PTPRN: variants seen among roughly 807,000 people sequenced by gnomAD.
PTPRN encodes the protein receptor-type tyrosine-protein phosphatase-like N.
PTPRN carries 70 observed loss-of-function variants against 108.5 expected under a neutral mutation model. The ratio of observed to expected loss-of-function variants is 0.65; its 90% CI spans 0.53 to 0.79. The LOEUF is 0.79. PTPRN is among the 30% of genes least tolerant of loss of function. PTPRN has a pLI of 0.00. For synonymous variants in PTPRN, 496 were observed against 524.6 expected (o/e 0.95, Z 0.75); for missense variants, 1,136 against 1,295.5 (o/e 0.88, Z 1.89).
In PTPRN at chr2:219,299,124, C is replaced by A. The variant is rs1305653577; in HGVS notation, c.1604-13G>T. 5 of 1,614,248 alleles carry A rather than the reference C, an allele frequency of 3.1e-6. No individual in the cohort carries two copies. The Admixed American group carries it at 5.0e-5, about 16-fold the overall frequency. The stretch of plus-strand genomic sequence containing the variant: ...GACTTCACCAGCCCTGCAGGGAGGA[C>A]AAAGGTCAGGCTTGCTCCAGCCCCA... On this transcript the variant is annotated splice_polypyrimidine_tract_variant and intron_variant, in intron 11 of 22. Coordinates refer to ENST00000295718, the MANE Select transcript of PTPRN (RefSeq NM_002846.4).
chr2:219,297,377 T>G lies in PTPRN; in HGVS notation c.1944A>C (p.Pro648=). 6.2e-7 allele frequency: 1 copy of G among 1,614,126 alleles called. No individual in the cohort carries two copies. The highest frequency in any genetic ancestry group is 2.2e-5 in the East Asian group (1 of 44,878). The part of the protein sequence containing the change: ...TKSLFNRAEG[P]PEPSRVSSVS... Reference sequence around the variant, plus strand: ...CACTGCTCACCCGTGAAGGCTCCGGTGGACCCTCTGCCCGGTTGAACAAGG... The same window carrying G: ...CACTGCTCACCCGTGAAGGCTCCGGGGGACCCTCTGCCCGGTTGAACAAGG... The change falls in exon 14 of 23, where the codon CCA becomes CCC. Residue 648 remains proline (P), a synonymous_variant. Coordinates refer to ENST00000295718, the MANE Select transcript of PTPRN (RefSeq NM_002846.4). The surrounding 1 kb of genome is among the most constrained non-coding windows in gnomAD (Gnocchi z 6.0).
At position 219,297,901 on chromosome 2, in the gene PTPRN, G is replaced by A; in HGVS notation, c.1871C>T (p.Thr624Ile). 2 of 1,610,306 alleles carry A rather than the reference G, an allele frequency of 1.2e-6. No homozygotes were observed. Among genetic ancestry groups the A allele is most frequent in the Non-Finnish European group, 1.7e-6 (2 of 1,179,108 alleles). The change falls in exon 13 of 23, where the codon ACT becomes ATT. Residue 624 changes from threonine (T) to isoleucine (I), a missense_variant. Physicochemically the swap from Thr to Ile is moderately conservative, Grantham distance 89. Coordinates refer to ENST00000295718, the MANE Select transcript of PTPRN (RefSeq NM_002846.4). This position sits in a 1 kb window ranked among gnomAD's most constrained non-coding sequence, Gnocchi z 6.0. Reference sequence around the variant, plus strand: ...GCTGCACACCTGGTACTCAAAGGTAGTGTCACCATGGGCCCCCTCAGGCCC... The same window carrying A: ...GCTGCACACCTGGTACTCAAAGGTAATGTCACCATGGGCCCCCTCAGGCCC... ...ALGPEGAHGDTTFEYQDLCRQ... is the reference protein window; with the variant it reads ...ALGPEGAHGDITFEYQDLCRQ...
intron 4 of PTPRN, 149 bp from the exon 5 acceptor site, chr2:219,302,986 G>A (rs1952396092): frequency 2.2e-6 from 2 of 905,116 alleles, no homozygotes; most frequent in South Asian, 1.9e-5. Flanking sequence ...GAAGAGAGAT[G>A]GGCTGGGTGG....
intron 19 of PTPRN, among the ~76,000 whole-genome samples, chr2:219,294,424 G>C (rs1952125123): frequency 6.9e-6 from 1 of 144,192 alleles, no homozygotes. Context: ...GTGAGAGAGA[G>C]ATGGGGAGAG....
intron 19 of PTPRN, among the ~76,000 whole-genome samples, chr2:219,294,738 G>A (rs562675428): frequency 8.0e-4 from 122 of 152,080 alleles, no homozygotes; most frequent in African/African-American, 2.7e-3. Flanking sequence ...GAGGGAGGGA[G>A]CAGAGCAGCA....
chr2:219,297,884 C>T lies in PTPRN; in HGVS notation c.1887+1G>A. 6.2e-7 allele frequency: 1 copy of T among 1,605,128 alleles called. No individual in the cohort carries two copies. Among genetic ancestry groups the T allele is most frequent in the African/African-American group, 1.3e-5 (1 of 74,904 alleles). On this transcript the variant is annotated splice_donor_variant, in intron 13 of 22. Transcript: ENST00000295718. LOFTEE classifies it high-confidence loss of function. This position sits in a 1 kb window ranked among gnomAD's most constrained non-coding sequence, Gnocchi z 6.0. Reference sequence around the variant, plus strand: ...CTCAATCAGCTTCTGGGGCTGCACACCTGGTACTCAAAGGTAGTGTCACCA... The same window carrying T: ...CTCAATCAGCTTCTGGGGCTGCACATCTGGTACTCAAAGGTAGTGTCACCA...
At position 219,307,443 on chromosome 2, in the gene PTPRN, C is replaced by T; in HGVS notation, c.280+1G>A. 6.2e-7 allele frequency: 1 copy of T among 1,613,182 alleles called. No homozygotes were observed. ...TCTCCTCCAGTGCACCCAGACCTTACCTTGGGACATGAGTTGTCGGAGCAC... is the reference window on the plus strand; with the variant it reads ...TCTCCTCCAGTGCACCCAGACCTTATCTTGGGACATGAGTTGTCGGAGCAC... On this transcript the variant is annotated splice_donor_variant, in intron 3 of 22. Transcript: ENST00000295718. LOFTEE classifies it high-confidence loss of function.
chr2:219,291,766 T>C, intron 19 of PTPRN: 1 of 573,530 alleles, frequency 1.7e-6, no homozygotes, highest in Non-Finnish European at 3.1e-6. Context: ...AACAACTGAT[T>C]TAACCTCTTT....
chr2:219,307,851 G>C lies in PTPRN; in HGVS notation c.116-9C>G. 6.2e-7 allele frequency: 1 copy of C among 1,614,006 alleles called. No homozygotes were observed. Among genetic ancestry groups the C allele is most frequent in the African/African-American group, 1.3e-5 (1 of 75,040 alleles). On this transcript the variant is annotated splice_polypyrimidine_tract_variant and intron_variant, in intron 1 of 22. Transcript: ENST00000295718. ...GCGGTCAAATAGACAGCCTGTAGAGGAAAAGGTGAGCAGAGGCTCAGACAC... is the reference window on the plus strand; with the variant it reads ...GCGGTCAAATAGACAGCCTGTAGAGCAAAAGGTGAGCAGAGGCTCAGACAC...
Position 219,296,584 on chromosome 2 carries a change from C to T in PTPRN, c.2311-68G>A, listed in dbSNP as rs2292604. 254,578 of 1,592,488 alleles carry T rather than the reference C, an allele frequency of 0.16. 23,256 individuals are homozygous for T. The highest frequency in any genetic ancestry group is 0.33 in the African/African-American group (24,454 of 74,354). ...CCACTATGGACAGGCGTGGTCAGAG[C>T]AAGTGGGTCAGGGTCTGAGAAGGCT... is the stretch of plus-strand genomic sequence containing the variant. On this transcript the variant is annotated intron_variant, in intron 16 of 22. Transcript: ENST00000295718. The surrounding 1 kb of genome is among the most constrained non-coding windows in gnomAD (Gnocchi z 6.0).
At chr2:219,299,196 C>T in intron 11 of PTPRN, 85 bp from the exon 12 acceptor site, 1 of 1,602,274 alleles carries the variant, frequency 6.2e-7, no homozygotes. Context: ...CAGGCAGGGC[C>T]CATGTGGGCT....
chr2:219,299,827 C>T (rs1475072455), intron 9 of PTPRN, 41 bp from the exon 10 acceptor site: 4 of 1,569,050 alleles, frequency 2.5e-6, no homozygotes, highest in Non-Finnish European at 3.5e-6. Context: ...GTGGGGCAAC[C>T]CTCTCAGTCA....
chr2:219,301,807 G>A, intron 6 of PTPRN, 88 bp from the exon 7 acceptor site: 1 of 1,446,014 alleles, frequency 6.9e-7, no homozygotes, highest in Non-Finnish European at 9.3e-7. Context: ...GAAGGGACTA[G>A]CATGTTAAGA....
rs768923897 is a variant in PTPRN at position 219,290,812 on chromosome 2, G to A, written c.2794+14C>T. 243 of 1,613,532 alleles carry A rather than the reference G, an allele frequency of 1.5e-4. 2 individuals are homozygous for A. Among genetic ancestry groups the A allele is most frequent in the South Asian group, 3.8e-4 (35 of 91,070 alleles). On this transcript the variant is annotated intron_variant, in intron 21 of 22. Coordinates refer to ENST00000295718, the MANE Select transcript of PTPRN (RefSeq NM_002846.4). This position sits in a 1 kb window ranked among gnomAD's most constrained non-coding sequence, Gnocchi z 4.2. ...GGGCCTGGGGGCTGCGGGCACCGTG[G>A]GGAAGCTCCCTACCTTTTGCCATGC...
intron 18 of PTPRN, chr2:219,295,625 T>C (rs1187672743): frequency 1.3e-5 from 2 of 154,800 alleles, no homozygotes; most frequent in African/African-American, 4.8e-5. Context: ...GGACTCACGT[T>C]CTCCCATTTG....
intron 19 of PTPRN, chr2:219,294,006 G>T: frequency 2.1e-6 from 1 of 466,974 alleles, no homozygotes. Flanking sequence ...CCAGAATCCA[G>T]AGATCCTCCC....
chr2:219,294,047 C>T (rs1952112645), intron 19 of PTPRN: 5 of 509,128 alleles, frequency 9.8e-6, no homozygotes, highest in Non-Finnish European at 2.0e-5. Context: ...TGCCTCTTCC[C>T]TGTACCCCTT....
Position 219,296,515 on chromosome 2 carries a change from A to G in PTPRN, c.2312T>C (p.Ile771Thr), listed in dbSNP as rs1952200319. 1 of 1,613,870 alleles carries G rather than the reference A, an allele frequency of 6.2e-7. No homozygotes were observed. The change falls in exon 17 of 23, where the codon ATT becomes ACT. Residue 771 changes from isoleucine to threonine, a missense_variant and splice_region_variant. Transcript: ENST00000295718. The surrounding 1 kb of genome is among the most constrained non-coding windows in gnomAD (Gnocchi z 6.0). The stretch of plus-strand genomic sequence containing the variant: ...GGCTGGCATCCGAGGGTCATGCTCA[A>G]TCTGGAGGCAGGGAAGATACACCAT... ...RSDYINASPIIEHDPRMPAYI... is the reference protein window; with the variant it reads ...RSDYINASPITEHDPRMPAYI...
intron 1 of PTPRN, chr2:219,308,919 T>C (rs1440684746): frequency 7.2e-7 from 1 of 1,392,938 alleles, no homozygotes; most frequent in Non-Finnish European, 9.6e-7. Flanking sequence ...TCTCCTGTGG[T>C]CTCGCAGCCG....
Sources: gnomAD v4.1 joint callset for allele counts (sites outside exome capture counted in the v4.1 genomes callset) on GRCh38, gnomAD v4.1.1 for gene constraint, Gnocchi (gnomAD v3.1) non-coding constraint, MANE v1.5 for transcripts, NCBI Gene and HGNC (gene_info 2026-07-23, HGNC 2026-07-21) for gene names.